ABCC4: variants seen among roughly 807,000 people sequenced by gnomAD.
ABCC4 encodes the protein ATP binding cassette subfamily C member 4 (PEL blood group), also known as ATP-binding cassette sub-family C member 4.
Under a neutral mutation model 168.5 loss-of-function variants are expected in ABCC4, and 102 were observed. The ratio of observed to expected loss-of-function variants is 0.61; its 90% CI spans 0.52 to 0.71. The LOEUF (loss-of-function observed/expected upper bound fraction) is 0.71, where lower values mean the gene tolerates loss of function less well. Among genes scored for constraint, ABCC4 ranks in the 30% least tolerant of loss-of-function variants. The pLI is 0.00. For synonymous variants in ABCC4, 617 were observed against 590.7 expected (o/e 1.04, Z -0.65); for missense variants, 1,402 against 1,605.8 (o/e 0.87, Z 2.17).
chr13:95,229,242 G>T (rs1409226707), intron 4 of ABCC4, among the ~76,000 whole-genome samples: 4 of 152,046 alleles, frequency 2.6e-5, no homozygotes, highest in African/African-American at 7.3e-5. Context: ...TATTCTTCTA[G>T]GGCAGATCTG....
intron 19 of ABCC4, among the ~76,000 whole-genome samples, chr13:95,159,109 A>G (rs1372617791): frequency 7.9e-6 from 1 of 125,858 alleles, no homozygotes; most frequent in African/African-American, 2.7e-5. Flanking sequence ...ATATATATAT[A>G]TATATATATA....
intron 27 of ABCC4, among the ~76,000 whole-genome samples, chr13:95,047,476 C>CTTTTTTTT (rs71111586): frequency 0.025 from 2,091 of 83,206 alleles, 203 homozygotes; most frequent in African/African-American, 0.059. Flanking sequence ...ACTGCCTATT[C>CTTTTTTTT]TTTTTTTTTT....
intron 20 of ABCC4, among the ~76,000 whole-genome samples, chr13:95,101,517 C>A (rs1411569282): frequency 6.6e-6 from 1 of 152,150 alleles, no homozygotes; most frequent in Non-Finnish European, 1.5e-5. Context: ...CTAAATCCAA[C>A]CTCTGCATCT....
intron 25 of ABCC4, among the ~76,000 whole-genome samples, chr13:95,066,181 T>C (rs1233617813): frequency 1.3e-5 from 2 of 152,256 alleles, no homozygotes; most frequent in African/African-American, 2.4e-5. Flanking sequence ...CCTTGGCATA[T>C]GCCATCGTGC....
chr13:95,099,594 A>T (rs1277129777), intron 20 of ABCC4, among the ~76,000 whole-genome samples: 4 of 152,208 alleles, frequency 2.6e-5, no homozygotes, highest in African/African-American at 9.6e-5. Flanking sequence ...ATACACAACC[A>T]TAACGCTAAG....
intron 20 of ABCC4, 67 bp downstream of exon 20, chr13:95,115,855 A>C: frequency 7.1e-7 from 1 of 1,400,898 alleles, no homozygotes; most frequent in Middle Eastern, 1.8e-4. Flanking sequence ...AGACCCCATG[A>C]AAAGGGCTTG....
intron 21 of ABCC4, 148 bp from the exon 22 acceptor site, chr13:95,075,699 A>C: frequency 9.8e-7 from 1 of 1,019,540 alleles, no homozygotes; most frequent in Non-Finnish European, 1.4e-6. Context: ...AATGTTCCCA[A>C]TAGCCTGAGG....
chr13:95,253,563 G>A (rs1237856511), intron 1 of ABCC4, among the ~76,000 whole-genome samples: 14 of 152,064 alleles, frequency 9.2e-5, no homozygotes. Context: ...TGGCCAGCAT[G>A]ATGAAACCCC....
At chr13:95,130,367 ATC>A (rs35987600) in intron 19 of ABCC4, among the ~76,000 whole-genome samples, 13,968 of 152,228 alleles carry the variant, frequency 0.092, 882 homozygotes, top group Middle Eastern at 0.14. Context: ...TGAATATTAA[ATC>A]TCTTTTTTGA....
intron 5 of ABCC4, among the ~76,000 whole-genome samples, chr13:95,209,946 G>A (rs1210126041): frequency 6.6e-6 from 1 of 152,222 alleles, no homozygotes; most frequent in Non-Finnish European, 1.5e-5. Flanking sequence ...AAGAAAACCT[G>A]TACTACAGTG....
intron 18 of ABCC4, chr13:95,161,634 A>G: frequency 5.4e-6 from 1 of 183,786 alleles, no homozygotes; most frequent in Non-Finnish European, 1.1e-5. Context: ...TAGGATAGAT[A>G]ATCATGAAGT....
intron 9 of ABCC4, among the ~76,000 whole-genome samples, chr13:95,194,502 C>A (rs1388399417): frequency 1.3e-5 from 2 of 152,236 alleles, no homozygotes. Flanking sequence ...CAGCAGTTAA[C>A]CCATTCCATG....
chr13:95,178,459 AAGG>A, intron 11 of ABCC4, among the ~76,000 whole-genome samples: 1 of 152,308 alleles, frequency 6.6e-6, no homozygotes, highest in Middle Eastern at 3.4e-3. Flanking sequence ...AAGTGCTAAG[AAGG>A]AGAAGGAAGC....
At chr13:95,053,206 G>C (rs749894222) in intron 26 of ABCC4, 22 bp from the exon 27 acceptor site, 9 of 1,575,258 alleles carry the variant, frequency 5.7e-6, no homozygotes, top group Non-Finnish European at 7.9e-6. Context: ...AAATAGTCAC[G>C]GTCATTACCA....
At chr13:95,200,157 T>G (rs1448619550) in intron 8 of ABCC4, among the ~76,000 whole-genome samples, 1 of 152,224 alleles carries the variant, frequency 6.6e-6, no homozygotes, top group Non-Finnish European at 1.5e-5. Flanking sequence ...TATCTAAGCA[T>G]TTATCACAGT....
At chr13:95,202,644 CTTTTTTTTT>C (rs10603210) in intron 8 of ABCC4, among the ~76,000 whole-genome samples, 3,416 of 93,108 alleles carry the variant, frequency 0.037, 156 homozygotes, top group African/African-American at 0.13. Context: ...AGAATGTGCA[CTTTTTTTTT>C]TTTTTTTTTT....
intron 19 of ABCC4, among the ~76,000 whole-genome samples, chr13:95,119,629 G>A (rs912220974): frequency 6.6e-6 from 1 of 151,952 alleles, no homozygotes; most frequent in East Asian, 2.0e-4. Flanking sequence ...AGTCACCTCC[G>A]GAATTCTGAT....
At chr13:95,150,891 T>C (rs537814468) in intron 19 of ABCC4, among the ~76,000 whole-genome samples, 120 of 152,294 alleles carry the variant, frequency 7.9e-4, no homozygotes, top group Middle Eastern at 6.8e-3. Flanking sequence ...ACTTGAAGCT[T>C]AGAGATTATG....
intron 13 of ABCC4, among the ~76,000 whole-genome samples, chr13:95,172,849 G>A (rs2037526814): frequency 6.6e-6 from 1 of 152,072 alleles, no homozygotes; most frequent in Non-Finnish European, 1.5e-5. Flanking sequence ...AGCCCAGGAG[G>A]TAGAAGTTGC....
Sources: allele counts gnomAD v4.1 joint callset (sites outside exome capture counted in the v4.1 genomes callset), GRCh38; gene constraint gnomAD v4.1.1; transcripts MANE v1.5; gene names NCBI Gene and HGNC (gene_info 2026-07-23, HGNC 2026-07-21).